CFAP74: variants seen among roughly 807,000 people sequenced by gnomAD.
CFAP74 encodes the protein cilia and flagella associated protein 74.
Under a neutral mutation model 188.9 loss-of-function variants are expected in CFAP74, and 124 were observed. The ratio of observed to expected loss-of-function variants is 0.66; its 90% CI spans 0.57 to 0.76. The LOEUF (loss-of-function observed/expected upper bound fraction) is 0.76. CFAP74 is among the 30% of genes least tolerant of loss of function. The pLI, the probability that CFAP74 is intolerant of heterozygous loss-of-function variation, is 0.00. For missense variants in CFAP74, 2,198 were observed against 2,165.2 expected (o/e 1.02, Z -0.30); for synonymous variants, 956 against 916.7 (o/e 1.04, Z -0.77).
At chr1:1,960,859 G>T (rs982398045) in intron 14 of CFAP74, among the ~76,000 whole-genome samples, 2 of 152,222 alleles carry the variant, frequency 1.3e-5, no homozygotes, top group African/African-American at 2.4e-5. Context: ...GCAGCAGAGT[G>T]CAGGGCCGAG....
chr1:1,964,252 G>A (rs1020333812), intron 13 of CFAP74, among the ~76,000 whole-genome samples: 4 of 152,198 alleles, frequency 2.6e-5, no homozygotes, highest in Non-Finnish European at 5.9e-5. Context: ...TGGCAGAGGC[G>A]TCCAGGCACC....
At chr1:1,954,975 C>A in intron 18 of CFAP74, 1 of 1,176,934 alleles carries the variant, frequency 8.5e-7, no homozygotes, top group Non-Finnish European at 1.1e-6. Flanking sequence ...ATCTAGAACC[C>A]GAGGCTCTCT....
rs959514922 is a variant in CFAP74, at chr1:1,975,712, T to C, written c.501-1514A>G. Among the ~76,000 whole-genome samples the C allele has an allele frequency of 6.6e-6, 1 of 152,192 alleles. No homozygotes were observed. The highest frequency in any genetic ancestry group is 2.4e-5 in the African/African-American group (1 of 41,446). ...CCGCGGAGCTTCCACGGGCGGGTTATTTCTATTCCTCCCTCGCGTGACTCA... is the reference window on the plus strand; with the variant it reads ...CCGCGGAGCTTCCACGGGCGGGTTACTTCTATTCCTCCCTCGCGTGACTCA... On this transcript the variant is annotated intron_variant, in intron 6 of 38. Transcript: ENST00000682832. This position sits in a 1 kb window ranked among gnomAD's most constrained non-coding sequence, Gnocchi z 4.5.
chr1:1,997,731 C>G (rs1411965045), intron 1 of CFAP74, among the ~76,000 whole-genome samples: 1 of 152,018 alleles, frequency 6.6e-6, no homozygotes, highest in Non-Finnish European at 1.5e-5. Flanking sequence ...TGCGAGGAAC[C>G]CCCTCGGGCA....
intron 11 of CFAP74, among the ~76,000 whole-genome samples, chr1:1,967,288 A>C (rs905163978): frequency 6.6e-6 from 1 of 152,114 alleles, no homozygotes; most frequent in African/African-American, 2.4e-5. Flanking sequence ...AGAAGGGGGA[A>C]CTGGGCCGGG....
In CFAP74 at chr1:1,922,135, G is replaced by A; in HGVS notation, c.*152C>T. 1.6e-6 allele frequency: 1 copy of A among 611,720 alleles called. No homozygotes were observed. The highest frequency in any genetic ancestry group is 1.9e-5 in the African/African-American group (1 of 53,112). 37.9% of individuals were successfully genotyped at this position (611,720 alleles called of 1,614,324 possible). A position where few individuals can be genotyped will look rare whatever the true frequency, so the allele number is the denominator to read the frequency against. On this transcript the variant is annotated 3_prime_UTR_variant, in exon 39 of 39. Coordinates refer to ENST00000682832, the MANE Select transcript of CFAP74 (RefSeq NM_001304360.2). ...TGGGCTTGCGGGGTCCAGGGCAGCAGGAAGTGGCCGTGGCGCCATGTGGAG... is the reference window on the plus strand; with the variant it reads ...TGGGCTTGCGGGGTCCAGGGCAGCAAGAAGTGGCCGTGGCGCCATGTGGAG...
At chr1:1,955,906 T>C in intron 17 of CFAP74, 56 bp from the exon 18 acceptor site, 2 of 1,553,950 alleles carry the variant, frequency 1.3e-6, no homozygotes, top group Non-Finnish European at 1.7e-6. Flanking sequence ...CTTTTCCCAG[T>C]CAGCTGCCGG....
intron 9 of CFAP74, among the ~76,000 whole-genome samples, chr1:1,971,415 A>G (rs572047692): frequency 3.0e-4 from 46 of 151,628 alleles, no homozygotes; most frequent in Non-Finnish European, 5.0e-4. Flanking sequence ...ACATGCACAC[A>G]TGCACACACA....
Position 1,985,554 on chromosome 1 carries a change from T to C in CFAP74, c.396-64A>G, listed in dbSNP as rs1657181819. The C allele has an allele frequency of 1.2e-5, 16 of 1,298,292 alleles. No homozygotes were observed. The East Asian group carries it at 3.5e-4, about 28-fold the overall frequency. 80.4% of individuals were successfully genotyped at this position (1,298,292 alleles called of 1,614,324 possible). On this transcript the variant is annotated intron_variant, in intron 5 of 38. Transcript: ENST00000682832. ...CTCAGTCATCCAGGGGCCATCCAGG[T>C]TCACCTGGCACTCCCTGGCCTCCTC... is the stretch of plus-strand genomic sequence containing the variant.
intron 8 of CFAP74, among the ~76,000 whole-genome samples, chr1:1,972,298 A>G (rs555633634): frequency 6.6e-6 from 1 of 152,236 alleles, no homozygotes; most frequent in Non-Finnish European, 1.5e-5. Flanking sequence ...TGTTAATTAC[A>G]GGAGCCTCGG....
At chr1:1,950,741 C>T (rs371671565) in intron 18 of CFAP74, among the ~76,000 whole-genome samples, 3 of 152,244 alleles carry the variant, frequency 2.0e-5, no homozygotes, top group Non-Finnish European at 2.9e-5. Flanking sequence ...TAATGCTTTC[C>T]GCCAGTCTGT....
Position 1,927,644 on chromosome 1 carries a change from G to T in CFAP74, c.3490C>A (p.His1164Asn), listed in dbSNP as rs1253969098. The T allele has an allele frequency of 3.2e-6, 5 of 1,550,152 alleles. No individual in the cohort carries two copies. Among genetic ancestry groups the T allele is most frequent in the South Asian group, 2.4e-5 (2 of 84,060 alleles). Residue 1164 changes from histidine (H) to asparagine (N), a missense_variant, in exon 28 of 39, where the codon CAC (histidine) becomes AAC (asparagine). By Grantham distance (68) the His-to-Asn change is moderately conservative (BLOSUM62 1). Coordinates refer to ENST00000682832, the MANE Select transcript of CFAP74 (RefSeq NM_001304360.2). ...RDKLFKVSVPHVLEMRKRELR... is the reference protein window; with the variant it reads ...RDKLFKVSVPNVLEMRKRELR... Reference sequence around the variant, plus strand: ...TCCCGCTTCCGCATCTCCAGGACGTGGGGGACAGAGACTTTGAACAGCTTG... The same window carrying T: ...TCCCGCTTCCGCATCTCCAGGACGTTGGGGACAGAGACTTTGAACAGCTTG...
chr1:1,964,937 TCA>T lies in CFAP74; in HGVS notation c.1524_1525del (p.Glu509ValfsTer19), dbSNP rs1655361114. The T allele has an allele frequency of 6.2e-7, 1 of 1,613,826 alleles. No homozygotes were observed. The highest frequency in any genetic ancestry group is 8.5e-7 in the Non-Finnish European group (1 of 1,179,964). On this transcript the variant is annotated frameshift_variant, in exon 13 of 39. Coordinates refer to ENST00000682832, the MANE Select transcript of CFAP74 (RefSeq NM_001304360.2). LOFTEE classifies it high-confidence loss of function. Reference sequence around the variant, plus strand: ...GCTGTTGAAGGGGCGTCCTTGGAACTCACGCCCCCACACCACCTGCTTGTGGA... The same window carrying T: ...GCTGTTGAAGGGGCGTCCTTGGAACTCGCCCCCACACCACCTGCTTGTGGA...
Position 1,922,719 on chromosome 1 carries a change from A to C in CFAP74, c.4688T>G (p.Val1563Gly). 1 of 1,602,326 alleles carries C rather than the reference A, an allele frequency of 6.2e-7. No individual in the cohort carries two copies. Among genetic ancestry groups the C allele is most frequent in the Non-Finnish European group, 8.5e-7 (1 of 1,173,934 alleles). ...TGCGACGCTGTCTATGCTGAACTCA[A>C]CGGTCTGTGGGGTATGGGGCTCCTG... Reference protein sequence around the residue: ...RTTQPSPKKTVEFSIDSVASL... With the variant: ...RTTQPSPKKTGEFSIDSVASL... The change falls in exon 38 of 39, where the codon GTT (valine) becomes GGT (glycine). Residue 1563 changes from valine (V) to glycine (G), a missense_variant. Val to Gly is a moderately radical substitution (Grantham distance 109). Coordinates refer to ENST00000682832, the MANE Select transcript of CFAP74 (RefSeq NM_001304360.2).
chr1:2,003,382 C>T (rs1658297332), intron 1 of CFAP74, among the ~76,000 whole-genome samples: 1 of 152,178 alleles, frequency 6.6e-6, no homozygotes, highest in African/African-American at 2.4e-5. Flanking sequence ...TCCTTTTTAG[C>T]TAGGCAGACA....
At position 1,955,774 on chromosome 1, in the gene CFAP74, C is replaced by A; in HGVS notation, c.2093G>T (p.Gly698Val). The change falls in exon 18 of 39, where the codon GGC becomes GTC. Residue 698 changes from glycine (G) to valine (V), a missense_variant. Gly to Val is a moderately radical substitution (Grantham distance 109). Coordinates refer to ENST00000682832, the MANE Select transcript of CFAP74 (RefSeq NM_001304360.2). Reference sequence around the variant, plus strand: ...CATGTCCGCCTGGGAGGACTCCGTGCCCTCTAGCTGCTGCTCAGAGAAGCT... The same window carrying A: ...CATGTCCGCCTGGGAGGACTCCGTGACCTCTAGCTGCTGCTCAGAGAAGCT... ...ATSFSEQQLE[G>V]TESSQADMQS... 2 of 1,614,228 alleles carry A rather than the reference C, an allele frequency of 1.2e-6. No homozygotes were observed. The highest frequency in any genetic ancestry group is 1.6e-4 in the Middle Eastern group (1 of 6,062).
Position 1,955,880 on chromosome 1 carries a change from G to A in CFAP74, c.2017-30C>T, listed in dbSNP as rs200358578. ...AGAGGAGAATCAACATCCTGGCTTGGGAGGTTTCCCACCTCCTTTTCCCAG... is the reference window on the plus strand; with the variant it reads ...AGAGGAGAATCAACATCCTGGCTTGAGAGGTTTCCCACCTCCTTTTCCCAG... On this transcript the variant is annotated intron_variant, in intron 17 of 38. Transcript: ENST00000682832. The A allele has an allele frequency of 2.4e-4, 376 of 1,590,266 alleles. 1 individual carries two copies. In the Middle Eastern group the frequency reaches 7.6e-3, roughly 32 times the overall value.
At chr1:1,986,550 C>A (rs1176692322) in intron 5 of CFAP74, among the ~76,000 whole-genome samples, 1 of 152,214 alleles carries the variant, frequency 6.6e-6, no homozygotes, top group African/African-American at 2.4e-5. Flanking sequence ...ATCCAGGCTC[C>A]CGGAGCAATG....
At chr1:1,970,585 G>T in intron 10 of CFAP74, 74 bp downstream of exon 10, 1 of 1,488,370 alleles carries the variant, frequency 6.7e-7, no homozygotes, top group Non-Finnish European at 9.1e-7. Flanking sequence ...ATGTGAAGCC[G>T]AACCCCCTTG....
Sources: allele counts gnomAD v4.1 joint callset (sites outside exome capture counted in the v4.1 genomes callset), GRCh38; gene constraint gnomAD v4.1.1; non-coding constraint Gnocchi (gnomAD v3.1); transcripts MANE v1.5; gene names NCBI Gene and HGNC (gene_info 2026-07-23, HGNC 2026-07-21).